EIF4G3: variants seen among roughly 807,000 people sequenced by gnomAD.
EIF4G3 encodes the protein eIF-4-gamma 3.
EIF4G3 carries 34 observed loss-of-function variants against 186.4 expected under a neutral mutation model. The observed-to-expected ratio is 0.18, with a 90% confidence interval of 0.14 to 0.24. The LOEUF is 0.24. Among genes scored for constraint, EIF4G3 ranks in the 10% least tolerant of loss-of-function variants. The probability of loss-of-function intolerance (pLI) is 1.00; values close to 1 mark genes in which losing one functional copy is unlikely to be tolerated. For synonymous variants in EIF4G3, 673 were observed against 679.5 expected (o/e 0.99, Z 0.15); for missense variants, 1,536 against 1,948.5 (o/e 0.79, Z 3.99).
At chr1:21,073,630 C>T (rs552087361) in intron 3 of EIF4G3, 19 of 518,884 alleles carry the variant, frequency 3.7e-5, no homozygotes, top group South Asian at 2.2e-4. Flanking sequence ...CCTGGGCACA[C>T]GCCACATGCA....
intron 14 of EIF4G3, among the ~76,000 whole-genome samples, chr1:20,938,060 G>A (rs1367733955): frequency 6.6e-6 from 1 of 151,710 alleles, no homozygotes; most frequent in Non-Finnish European, 1.5e-5. Context: ...GAAGTGGCGC[G>A]ATGTTGGATC....
intron 7 of EIF4G3, among the ~76,000 whole-genome samples, chr1:20,987,096 G>A (rs879875051): frequency 6.6e-5 from 10 of 152,040 alleles, no homozygotes. Flanking sequence ...GTTTCCTCTC[G>A]AAAAATCCTT....
At chr1:21,173,683 G>A (rs1441974309) in intron 2 of EIF4G3, among the ~76,000 whole-genome samples, 2 of 152,108 alleles carry the variant, frequency 1.3e-5, no homozygotes, top group African/African-American at 4.8e-5. Flanking sequence ...GCAAGACTCT[G>A]TCTCAAAAAT....
At chr1:20,817,599 T>G (rs2061381922) in intron 33 of EIF4G3, 61 bp from the exon 34 acceptor site, 2 of 1,134,608 alleles carry the variant, frequency 1.8e-6, no homozygotes, top group Non-Finnish European at 2.3e-6. Context: ...ATTGTCATCC[T>G]GAGAGAAGAA....
At chr1:20,941,362 C>T (rs770954066) in intron 14 of EIF4G3, 129 bp downstream of exon 14, 81 of 1,597,450 alleles carry the variant, frequency 5.1e-5, no homozygotes, top group Non-Finnish European at 6.5e-5. Context: ...ACTGAAGAAA[C>T]CAGACTAGGA....
At chr1:20,902,236 G>C (rs535777818) in intron 15 of EIF4G3, among the ~76,000 whole-genome samples, 1 of 152,054 alleles carries the variant, frequency 6.6e-6, no homozygotes, top group South Asian at 2.1e-4. Flanking sequence ...GCTAATTTTT[G>C]TATTTTTAGT....
chr1:21,019,571 G>A (rs1358837254), intron 4 of EIF4G3, among the ~76,000 whole-genome samples: 1 of 152,174 alleles, frequency 6.6e-6, no homozygotes, highest in Non-Finnish European at 1.5e-5. Context: ...GGGAGAGTAA[G>A]AAAGTCCCAA....
At chr1:21,069,407 C>T (rs987664327) in intron 3 of EIF4G3, among the ~76,000 whole-genome samples, 4 of 152,202 alleles carry the variant, frequency 2.6e-5, no homozygotes, top group African/African-American at 7.2e-5. Flanking sequence ...CTTAAAACAA[C>T]GTATCACCAT....
chr1:20,982,694 A>G (rs1486293061), intron 7 of EIF4G3, among the ~76,000 whole-genome samples: 2 of 152,142 alleles, frequency 1.3e-5, no homozygotes, highest in African/African-American at 4.8e-5. Context: ...GTGCAAGGAA[A>G]TGTCTGCTTG....
chr1:21,106,065 TC>T (rs1474939037), intron 2 of EIF4G3, among the ~76,000 whole-genome samples: 1 of 149,806 alleles, frequency 6.7e-6, no homozygotes, highest in Non-Finnish European at 1.5e-5. Context: ...AGACCCTGTC[TC>T]TTTTTTTTTT....
intron 3 of EIF4G3, among the ~76,000 whole-genome samples, chr1:21,055,658 A>G (rs2154578029): frequency 6.6e-6 from 1 of 152,194 alleles, no homozygotes; most frequent in South Asian, 2.1e-4. Flanking sequence ...ACATACCCTA[A>G]AGAAAATCTC....
intron 14 of EIF4G3, among the ~76,000 whole-genome samples, chr1:20,911,925 T>A (rs2093285719): frequency 6.6e-6 from 1 of 151,864 alleles, no homozygotes; most frequent in Non-Finnish European, 1.5e-5. Flanking sequence ...CTAGACTCTG[T>A]CACTTAAAAA....
chr1:21,052,202 C>T (rs757153739), intron 3 of EIF4G3, among the ~76,000 whole-genome samples: 2 of 152,138 alleles, frequency 1.3e-5, no homozygotes, highest in Non-Finnish European at 2.9e-5. Context: ...CAGCCCATTA[C>T]GGATATGAAA....
In EIF4G3 at chr1:20,904,904, C is replaced by T. The variant is rs989419746; in HGVS notation, c.1731G>A (p.Glu577=). 2 of 1,613,902 alleles carry T rather than the reference C, an allele frequency of 1.2e-6. No individual in the cohort carries two copies. Among genetic ancestry groups the T allele is most frequent in the Non-Finnish European group, 1.7e-6 (2 of 1,179,900 alleles). The change falls in exon 15 of 37, where the codon GAG becomes GAA. Residue 577 remains glutamate, a synonymous_variant. Coordinates refer to ENST00000602326, the MANE Select transcript of EIF4G3 (RefSeq NM_001391906.1). ...KPKDRTRTTE[E]MLEAELELKA... is the part of the protein sequence containing the mutation. ...TTACCTCCAATTCTGCCTCTAACAT[C>T]TCTTCAGTGGTTCGGGTCCGATCTT...
At chr1:21,005,548 A>G (rs2084821605) in intron 4 of EIF4G3, among the ~76,000 whole-genome samples, 1 of 152,186 alleles carries the variant, frequency 6.6e-6, no homozygotes, top group South Asian at 2.1e-4. Flanking sequence ...TATTTCATTG[A>G]AGATGCTAAA....
At chr1:21,024,169 G>T (rs1175344262) in intron 4 of EIF4G3, among the ~76,000 whole-genome samples, 1 of 150,438 alleles carries the variant, frequency 6.6e-6, no homozygotes, top group Non-Finnish European at 1.5e-5. Context: ...AGGGAGGTGG[G>T]GGGGGGTCAG....
At chr1:21,053,609 C>T (rs2094404524) in intron 3 of EIF4G3, among the ~76,000 whole-genome samples, 3 of 142,344 alleles carry the variant, frequency 2.1e-5, no homozygotes, top group East Asian at 2.1e-4. Flanking sequence ...GTCAGCCCCC[C>T]GCCCGGCCAC....
chr1:21,030,163 T>G (rs1158030032), intron 4 of EIF4G3, among the ~76,000 whole-genome samples: 2 of 152,182 alleles, frequency 1.3e-5, no homozygotes, highest in African/African-American at 4.8e-5. Flanking sequence ...TATGAGCCAC[T>G]GGGCTGGTTG....
At chr1:21,036,814 G>C (rs546779896) in intron 4 of EIF4G3, among the ~76,000 whole-genome samples, 8 of 152,266 alleles carry the variant, frequency 5.3e-5, no homozygotes, top group African/African-American at 1.9e-4. Flanking sequence ...CCAGGAGGTA[G>C]AGGTTGCAAT....
Sources: allele counts gnomAD v4.1 joint callset (sites outside exome capture counted in the v4.1 genomes callset), GRCh38; gene constraint gnomAD v4.1.1; transcripts MANE v1.5; gene names NCBI Gene and HGNC (gene_info 2026-07-23, HGNC 2026-07-21).